The following PCDHGA9 variants were observed in gnomAD, a reference collection of about 807,000 sequenced individuals.
The protein encoded by PCDHGA9 is protocadherin gamma subfamily A, 9.
In PCDHGA9, 37 loss-of-function variants were observed where a neutral mutation model predicts 62.5. The ratio of observed to expected loss-of-function variants is 0.59; its 90% CI spans 0.46 to 0.78. The LOEUF is 0.78. Ranked by LOEUF, PCDHGA9 falls within the 30% of genes least tolerant of loss-of-function variation. PCDHGA9 has a pLI of 0.00. For missense variants in PCDHGA9, 1,138 were observed against 1,166.2 expected (o/e 0.98, Z 0.35); for synonymous variants, 459 against 484.6 (o/e 0.95, Z 0.69).
chr5:141,445,825 G>A (rs1031190864), intron 1 of PCDHGA9, among the ~76,000 whole-genome samples: 8 of 152,124 alleles, frequency 5.3e-5, no homozygotes, highest in Non-Finnish European at 1.2e-4. Context: ...AATAAGGCAG[G>A]GAGAGCCTTG....
Position 141,405,200 on chromosome 5 carries a change from C to T in PCDHGA9, c.2248C>T (p.Leu750=), listed in dbSNP as rs1458944760. The change falls in exon 1 of 4, where the codon CTA becomes TTA. Residue 750 remains leucine (L), a synonymous_variant. Transcript: ENST00000573521. ...GGGTGTAGATGGGGTTCGAGCTTTCCTACAGACCTATTCTCAGGAGTTCTC... is the reference window on the plus strand; with the variant it reads ...GGGTGTAGATGGGGTTCGAGCTTTCTTACAGACCTATTCTCAGGAGTTCTC... ...FVGVDGVRAF[L]QTYSQEFSLT... 2.5e-6 allele frequency: 4 copies of T among 1,613,508 alleles called. No individual in the cohort carries two copies. The highest frequency in any genetic ancestry group is 3.4e-6 in the Non-Finnish European group (4 of 1,179,846).
At chr5:141,506,787 G>A (rs55775963) in intron 3 of PCDHGA9, among the ~76,000 whole-genome samples, 1,925 of 152,270 alleles carry the variant, frequency 0.013, 43 homozygotes, top group African/African-American at 0.044. Flanking sequence ...CTTATAAGGA[G>A]GCTGGCAGAG....
At chr5:141,407,851 C>T (rs2094989102) in intron 1 of PCDHGA9, among the ~76,000 whole-genome samples, 1 of 152,194 alleles carries the variant, frequency 6.6e-6, no homozygotes, top group Non-Finnish European at 1.5e-5. Flanking sequence ...GGGGGATGTA[C>T]ACCTGCATTT....
At chr5:141,484,790 A>T (rs1562101198) in intron 1 of PCDHGA9, among the ~76,000 whole-genome samples, 1 of 152,076 alleles carries the variant, frequency 6.6e-6, no homozygotes, top group Admixed American at 6.6e-5. Flanking sequence ...CACAGAGATA[A>T]CAACCCGTGG....
intron 1 of PCDHGA9, chr5:141,478,633 T>C: frequency 6.4e-7 from 1 of 1,553,032 alleles, no homozygotes; most frequent in Non-Finnish European, 8.7e-7. Context: ...GTTTTTTTAG[T>C]GATGAAGATG....
chr5:141,429,861 A>G (rs1483953460), intron 1 of PCDHGA9, among the ~76,000 whole-genome samples: 1 of 152,226 alleles, frequency 6.6e-6, no homozygotes, highest in Non-Finnish European at 1.5e-5. Flanking sequence ...TCTTTGGACT[A>G]CCAATTTTCT....
At chr5:141,435,875 T>C (rs1324511823) in intron 1 of PCDHGA9, among the ~76,000 whole-genome samples, 1 of 152,100 alleles carries the variant, frequency 6.6e-6, no homozygotes, top group African/African-American at 2.4e-5. Flanking sequence ...AGAAAAGAGA[T>C]TGGAAACCCC....
chr5:141,410,849 C>CTTTTTTTTCTTTTTT (rs2095433387), intron 1 of PCDHGA9: 1 of 129,786 alleles, frequency 7.7e-6, no homozygotes, highest in African/African-American at 6.0e-5. Context: ...TTGTCTTTGT[C>CTTTTTTTTCTTTTTT]TTTTTTTTTT....
At chr5:141,425,258 G>T (rs965944291) in intron 1 of PCDHGA9, among the ~76,000 whole-genome samples, 2 of 152,134 alleles carry the variant, frequency 1.3e-5, no homozygotes, top group Non-Finnish European at 2.9e-5. Context: ...GAGGTATTTG[G>T]CTGGGAAAAG....
chr5:141,428,037 C>G lies in PCDHGA9; in HGVS notation c.2424+22661C>G, dbSNP rs762273592. 3.7e-6 allele frequency: 6 copies of G among 1,608,340 alleles called. No homozygotes were observed. In the African/African-American group the frequency reaches 8.0e-5, roughly 21 times the overall value. ...GCCACGCGCCGCAGAGTCCGGCTACCTGGTGACCAAGGTGGTGGCGGTGGA... is the reference window on the plus strand; with the variant it reads ...GCCACGCGCCGCAGAGTCCGGCTACGTGGTGACCAAGGTGGTGGCGGTGGA... On this transcript the variant is annotated intron_variant, in intron 1 of 3. Coordinates refer to ENST00000573521, the MANE Select transcript of PCDHGA9 (RefSeq NM_018921.3).
chr5:141,424,087 A>C, intron 1 of PCDHGA9: 1 of 933,106 alleles, frequency 1.1e-6, no homozygotes, highest in Non-Finnish European at 1.3e-6. Flanking sequence ...TTCCACCATT[A>C]TTTGCTATTA....
intron 2 of PCDHGA9, among the ~76,000 whole-genome samples, chr5:141,504,341 CTTTGTGCTAGGT>C (rs963088433): frequency 3.9e-5 from 6 of 152,020 alleles, no homozygotes; most frequent in African/African-American, 1.4e-4. Flanking sequence ...AAGTGCTAGG[CTTTGTGCTAGGT>C]GCTTCAGTAG....
At chr5:141,428,105 G>T in intron 1 of PCDHGA9, 4 of 1,608,184 alleles carry the variant, frequency 2.5e-6, no homozygotes, top group Non-Finnish European at 2.5e-6. Context: ...ACCACGTGCT[G>T]CAGGCCATCG....
chr5:141,433,359 C>CTATCTATCTATA, intron 1 of PCDHGA9: 1 of 228,708 alleles, frequency 4.4e-6, no homozygotes, highest in South Asian at 4.1e-5. Context: ...TACTGTCTGC[C>CTATCTATCTATA]TATCTATCTA....
chr5:141,413,140 A>T (rs2095607783), intron 1 of PCDHGA9: 1 of 1,563,150 alleles, frequency 6.4e-7, no homozygotes, highest in Non-Finnish European at 8.7e-7. Flanking sequence ...CAACGTGTCC[A>T]GTGAGGACTT....
At chr5:141,420,625 T>C (rs1440415745) in intron 1 of PCDHGA9, among the ~76,000 whole-genome samples, 1 of 152,242 alleles carries the variant, frequency 6.6e-6, no homozygotes, top group Non-Finnish European at 1.5e-5. Flanking sequence ...CTTCATTTAC[T>C]CAATAAAGGA....
chr5:141,447,738 A>C (rs1365302023), intron 1 of PCDHGA9, among the ~76,000 whole-genome samples: 7 of 152,216 alleles, frequency 4.6e-5, no homozygotes, highest in Non-Finnish European at 8.8e-5. Context: ...ATTGAACTTA[A>C]GAGTCTTGCA....
intron 1 of PCDHGA9, chr5:141,427,815 G>A: frequency 6.5e-7 from 1 of 1,527,760 alleles, no homozygotes; most frequent in Non-Finnish European, 9.0e-7. Context: ...ACAGAGCGGG[G>A]TGGTGGTCGC....
At chr5:141,446,288 G>C (rs1437669688) in intron 1 of PCDHGA9, among the ~76,000 whole-genome samples, 1 of 152,100 alleles carries the variant, frequency 6.6e-6, no homozygotes, top group Non-Finnish European at 1.5e-5. Flanking sequence ...GGATAAATGG[G>C]GAGCAGGGAT....
Sources: gnomAD v4.1 joint callset for allele counts (sites outside exome capture counted in the v4.1 genomes callset) on GRCh38, gnomAD v4.1.1 for gene constraint, MANE v1.5 for transcripts, NCBI Gene and HGNC (gene_info 2026-07-23, HGNC 2026-07-21) for gene names.